The following TRPM3 variants were observed in gnomAD, a reference collection of about 807,000 sequenced individuals.
TRPM3 encodes the protein transient receptor potential cation channel subfamily M member 3, also known as long transient receptor potential channel 3.
TRPM3 carries 77 observed loss-of-function variants against 181.2 expected under a neutral mutation model. That is an observed-to-expected ratio of 0.42 (90% CI 0.35 to 0.51). TRPM3 has a LOEUF of 0.51. Ranked by LOEUF, TRPM3 falls within the 20% of genes least tolerant of loss-of-function variation. The pLI is 0.01. For synonymous variants in TRPM3, 745 were observed against 796.4 expected (o/e 0.94, Z 1.09); for missense variants, 1,759 against 2,196.7 (o/e 0.80, Z 3.98).
intron 1 of TRPM3, among the ~76,000 whole-genome samples, chr9:71,212,233 C>T (rs565281298): frequency 6.6e-6 from 1 of 152,354 alleles, no homozygotes; most frequent in East Asian, 1.9e-4. Flanking sequence ...CCTCCCATCT[C>T]TGCCTGCTGA....
At chr9:71,171,062 G>A (rs992686294) in intron 1 of TRPM3, among the ~76,000 whole-genome samples, 2 of 152,054 alleles carry the variant, frequency 1.3e-5, no homozygotes, top group African/African-American at 4.8e-5. Flanking sequence ...TCTTATGGTC[G>A]AGACTGCAGA....
At chr9:70,857,317 T>C (rs2095412293) in intron 3 of TRPM3, among the ~76,000 whole-genome samples, 1 of 150,646 alleles carries the variant, frequency 6.6e-6, no homozygotes, top group Admixed American at 6.6e-5. Context: ...TTTTTCTCTG[T>C]CAAGGGCTGG....
At chr9:71,145,223 A>T (rs563908133) in intron 1 of TRPM3, among the ~76,000 whole-genome samples, 4 of 152,314 alleles carry the variant, frequency 2.6e-5, no homozygotes, top group Admixed American at 2.0e-4. Context: ...ATATTAAAAA[A>T]ATATACATGC....
At chr9:70,570,770 C>T (rs1228592051) in intron 22 of TRPM3, among the ~76,000 whole-genome samples, 2 of 152,106 alleles carry the variant, frequency 1.3e-5, no homozygotes, top group Non-Finnish European at 2.9e-5. Flanking sequence ...ACCAAGTGTC[C>T]ATTGAATGGC....
intron 1 of TRPM3, among the ~76,000 whole-genome samples, chr9:71,332,634 C>A (rs1246340892): frequency 2.6e-5 from 4 of 151,504 alleles, no homozygotes; most frequent in Non-Finnish European, 4.4e-5. Context: ...GTTTCCTTAC[C>A]AATTTATTCC....
rs1042680124 is a variant in TRPM3 at position 71,333,188 on chromosome 9, T to C, written c.183+113465A>G. The stretch of plus-strand genomic sequence containing the variant: ...ATCCCAGCAGGGAACATGAATCCGT[T>C]AAGGGGACTGCAAGAAGTCGGCTCT... On this transcript the variant is annotated intron_variant, in intron 1 of 24. Coordinates refer to the TRPM3 transcript ENST00000357533. Among the ~76,000 whole-genome samples the C allele has an allele frequency of 2.0e-4, 30 of 151,854 alleles. 1 individual carries two copies. Among genetic ancestry groups the C allele is most frequent in the African/African-American group, 7.3e-4 (30 of 41,302 alleles).
chr9:71,309,215 T>C (rs1196066654), intron 1 of TRPM3, among the ~76,000 whole-genome samples: 1 of 152,214 alleles, frequency 6.6e-6, no homozygotes, highest in Non-Finnish European at 1.5e-5. Flanking sequence ...GTCCAGCTTT[T>C]TAATAGCTGT....
intron 1 of TRPM3, among the ~76,000 whole-genome samples, chr9:71,355,057 G>T (rs535807956): frequency 6.6e-6 from 1 of 152,124 alleles, no homozygotes; most frequent in East Asian, 1.9e-4. Context: ...AAGTGTCTCC[G>T]TTTCAAATGT....
At chr9:70,578,543 G>C (rs945491703) in intron 22 of TRPM3, among the ~76,000 whole-genome samples, 4 of 152,232 alleles carry the variant, frequency 2.6e-5, no homozygotes, top group East Asian at 1.9e-4. Context: ...CACGTTGACT[G>C]TTCAGACACC....
At chr9:71,034,185 C>T (rs1314345084) in intron 1 of TRPM3, among the ~76,000 whole-genome samples, 1 of 152,174 alleles carries the variant, frequency 6.6e-6, no homozygotes, top group Non-Finnish European at 1.5e-5. Context: ...CAATCTCTGA[C>T]TGCCATGATA....
At chr9:70,912,914 C>T (rs1005765347) in intron 1 of TRPM3, among the ~76,000 whole-genome samples, 7 of 152,166 alleles carry the variant, frequency 4.6e-5, no homozygotes, top group African/African-American at 7.2e-5. Flanking sequence ...ATAAACATGA[C>T]ATTATCACTA....
At chr9:71,261,089 G>C (rs1487705936) in intron 1 of TRPM3, among the ~76,000 whole-genome samples, 1 of 152,168 alleles carries the variant, frequency 6.6e-6, no homozygotes, top group Non-Finnish European at 1.5e-5. Flanking sequence ...ATAATATTCT[G>C]AAGAGTGTTT....
chr9:70,965,606 C>A (rs1345832916), intron 1 of TRPM3, among the ~76,000 whole-genome samples: 1 of 152,084 alleles, frequency 6.6e-6, no homozygotes, highest in African/African-American at 2.4e-5. Flanking sequence ...GTTGAACCAA[C>A]CTTGCATCCC....
chr9:71,246,832 T>C (rs186112875), intron 1 of TRPM3, among the ~76,000 whole-genome samples: 40 of 152,354 alleles, frequency 2.6e-4, no homozygotes, highest in Non-Finnish European at 5.1e-4. Context: ...GTTACTACCA[T>C]TTTAGCCTCT....
Position 70,610,729 on chromosome 9 carries a change from G to T in TRPM3, c.2547C>A (p.Asn849Lys), listed in dbSNP as rs376967290. Reference sequence around the variant, plus strand: ...CATCCTTCTTCCTGGAGGACTCCCCGTTGTTTCGTCCCAACATTGCCTATG... The same window carrying T: ...CATCCTTCTTCCTGGAGGACTCCCCTTTGTTTCGTCCCAACATTGCCTATG... ...MELTAMLGRN[N>K]GESSRKKDEE... is the part of the protein sequence containing the mutation. Residue 849 changes from asparagine (N) to lysine (K), a missense_variant, in exon 19 of 26, where the codon AAC (asparagine) becomes AAA (lysine). By Grantham distance (94) the Asn-to-Lys change is moderately conservative (BLOSUM62 0). Coordinates refer to ENST00000677713, the MANE Select transcript of TRPM3 (RefSeq NM_001366145.2). 2.5e-6 allele frequency: 4 copies of T among 1,613,982 alleles called. No homozygotes were observed. In the African/African-American group the frequency reaches 5.3e-5, roughly 22 times the overall value.
chr9:70,992,957 A>C lies in TRPM3; in HGVS notation c.177+128221T>G, dbSNP rs1423605405. Among the ~76,000 whole-genome samples, 5 of 152,158 alleles carry C rather than the reference A, an allele frequency of 3.3e-5. No individual in the cohort carries two copies. In the East Asian group the frequency reaches 9.6e-4, roughly 29 times the overall value. ...TCAGAAACATTCTGCAATGGGAAGA[A>C]ATGATAGGAGAACTCTAGGCAGAGA... On this transcript the variant is annotated intron_variant, in intron 1 of 25. Coordinates refer to ENST00000677713, the MANE Select transcript of TRPM3 (RefSeq NM_001366145.2).
intron 1 of TRPM3, among the ~76,000 whole-genome samples, chr9:70,927,862 G>C (rs984498648): frequency 1.3e-5 from 2 of 152,152 alleles, no homozygotes; most frequent in Non-Finnish European, 1.5e-5. Context: ...TCTATTCACA[G>C]CTCCAATGCA....
At chr9:70,611,831 A>G (rs1000835692) in intron 18 of TRPM3, among the ~76,000 whole-genome samples, 13 of 152,272 alleles carry the variant, frequency 8.5e-5, no homozygotes, top group African/African-American at 2.9e-4. Context: ...AGCTGCTGGA[A>G]ATTTCCTTGA....
intron 1 of TRPM3, among the ~76,000 whole-genome samples, chr9:71,127,610 G>A (rs913380805): frequency 1.6e-4 from 25 of 152,160 alleles, no homozygotes; most frequent in Non-Finnish European, 2.8e-4. Context: ...TCCACCTCCA[G>A]GTTTTTGTGA....
Sources: gnomAD v4.1 joint callset for allele counts (sites outside exome capture counted in the v4.1 genomes callset) on GRCh38, gnomAD v4.1.1 for gene constraint, MANE v1.5 for transcripts, NCBI Gene and HGNC (gene_info 2026-07-23, HGNC 2026-07-21) for gene names.